Variants in RIOK2 observed in about 807,000 individuals in gnomAD.
The protein encoded by RIOK2 is RIO kinase 2.
Under a neutral mutation model 62.4 loss-of-function variants are expected in RIOK2, and 46 were observed. That is an observed-to-expected ratio of 0.74 (90% CI 0.58 to 0.94). RIOK2 has a LOEUF of 0.94. Ranked by LOEUF, RIOK2 falls within the 40% of genes least tolerant of loss-of-function variation. The probability of loss-of-function intolerance (pLI) is 0.00; values close to 1 mark genes in which losing one functional copy is unlikely to be tolerated. For synonymous variants in RIOK2, 197 were observed against 216.0 expected, an observed-to-expected ratio of 0.91 and a Z score of 0.77; for missense variants, 574 against 658.0, an observed-to-expected ratio of 0.87 and a Z score of 1.40.
In RIOK2 at chr5:97,180,640, T is replaced by C. The variant is rs940583717; in HGVS notation, c.67-1447A>G. On this transcript the variant is annotated intron_variant, in intron 1 of 9. Transcript: ENST00000283109. The stretch of plus-strand genomic sequence containing the variant: ...CAGGGTTATTTTAAGGACATTAATG[T>C]ACCAGGAATATGCAAATTGGCTTAG... Among the ~76,000 whole-genome samples, 11 of 152,284 alleles carry C rather than the reference T, an allele frequency of 7.2e-5. 1 individual carries two copies. The highest frequency in any genetic ancestry group is 7.2e-4 in the Admixed American group (11 of 15,302).
intron 4 of RIOK2, among the ~76,000 whole-genome samples, chr5:97,174,464 T>C (rs961679839): frequency 3.3e-5 from 5 of 152,146 alleles, no homozygotes; most frequent in African/African-American, 9.7e-5. Context: ...TCTTTTCAGT[T>C]TGTAAATATA....
chr5:97,167,359 C>A (rs1346493032), intron 8 of RIOK2, 108 bp downstream of exon 8: 10 of 1,503,746 alleles, frequency 6.7e-6, no homozygotes, highest in Non-Finnish European at 8.9e-6. Context: ...ATCAAGGTGG[C>A]AGAATACAAT....
chr5:97,181,467 T>C (rs1436795520), intron 1 of RIOK2, among the ~76,000 whole-genome samples: 1 of 152,050 alleles, frequency 6.6e-6, no homozygotes, highest in Non-Finnish European at 1.5e-5. Context: ...GGCAAGTTCA[T>C]ATTGAAAGCT....
At chr5:97,178,714 C>T (rs931492189) in intron 2 of RIOK2, 113 of 316,272 alleles carry the variant, frequency 3.6e-4, no homozygotes, top group East Asian at 2.1e-4. Flanking sequence ...GCAGTACCTA[C>T]GTGCTCTTCT....
chr5:97,166,398 AT>A (rs1478748460), intron 8 of RIOK2: 1 of 422,166 alleles, frequency 2.4e-6, no homozygotes, highest in South Asian at 1.7e-5. Flanking sequence ...CAAAATTCTC[AT>A]GTTTTGCTTC....
chr5:97,174,327 G>C (rs1333127263), intron 4 of RIOK2, among the ~76,000 whole-genome samples: 1 of 152,212 alleles, frequency 6.6e-6, no homozygotes, highest in African/African-American at 2.4e-5. Context: ...GGCTGAGGCA[G>C]GAGAATCGCG....
chr5:97,171,363 C>T lies in RIOK2; in HGVS notation c.622G>A (p.Val208Ile), dbSNP rs1013983987. 1 of 1,573,000 alleles carries T rather than the reference C, an allele frequency of 6.4e-7. No homozygotes were observed. The highest frequency in any genetic ancestry group is 8.6e-7 in the Non-Finnish European group (1 of 1,160,060). Residue 208 changes from valine to isoleucine, a missense_variant, in exon 6 of 10, where the codon GTA (valine) becomes ATA (isoleucine). Physicochemically the swap from Val to Ile is conservative, Grantham distance 29. Coordinates refer to ENST00000283109, the MANE Select transcript of RIOK2 (RefSeq NM_018343.3). ...QIHHVEDPAS[V>I]YDEAMELIVK... ...ATTAGTTCCATAGCTTCATCATATA[C>T]TGATGCAGGATCTTCAACATGGTGT... is the stretch of plus-strand genomic sequence containing the variant.
chr5:97,170,724 A>G (rs1748979997), intron 6 of RIOK2, among the ~76,000 whole-genome samples: 1 of 152,252 alleles, frequency 6.6e-6, no homozygotes, highest in Non-Finnish European at 1.5e-5. Context: ...ATACTTTAAT[A>G]AAAAACCAAA....
chr5:97,177,180 CTA>C lies in RIOK2; in HGVS notation c.432_433del (p.His144GlnfsTer26). The C allele has an allele frequency of 6.2e-7, 1 of 1,613,266 alleles. No homozygotes were observed. The highest frequency in any genetic ancestry group is 8.5e-7 in the Non-Finnish European group (1 of 1,179,478). On this transcript the variant is annotated frameshift_variant, in exon 4 of 10. Transcript: ENST00000283109. LOFTEE classifies it high-confidence loss of function. ...TAAATATAGCCATGACACATTGTGC[CTA>C]TGTTTATGATAATCGCGTTTGTTTT...
intron 3 of RIOK2, 53 bp downstream of exon 3, chr5:97,177,679 A>G (rs1749206644): frequency 8.9e-7 from 1 of 1,124,162 alleles, no homozygotes; most frequent in East Asian, 2.4e-5. Context: ...TTCTGAAGGG[A>G]AAACATAAAC....
chr5:97,169,289 A>C (rs1197554670), intron 6 of RIOK2, among the ~76,000 whole-genome samples: 4 of 152,236 alleles, frequency 2.6e-5, no homozygotes, highest in African/African-American at 7.2e-5. Context: ...CGATAAAAAG[A>C]TATTAATATT....
At chr5:97,168,100 T>A (rs1416361612) in intron 7 of RIOK2, 109 bp from the exon 8 acceptor site, 38 of 1,121,128 alleles carry the variant, frequency 3.4e-5, no homozygotes, top group Non-Finnish European at 4.3e-5. Flanking sequence ...TAATAGCTTA[T>A]ATGTTAAAAA....
chr5:97,166,429 T>C (rs2112826219), intron 8 of RIOK2: 1 of 389,888 alleles, frequency 2.6e-6, no homozygotes. Flanking sequence ...ACTTTAAAGA[T>C]AAAGGTAGGC....
chr5:97,167,469 G>C lies in RIOK2; in HGVS notation c.1395C>G (p.Phe465Leu). The change falls in exon 8 of 10, where the codon TTC becomes TTG. Residue 465 changes from phenylalanine to leucine, a missense_variant and splice_region_variant. Physicochemically the swap from Phe to Leu is conservative, Grantham distance 22 (BLOSUM62 0). Transcript: ENST00000283109. ...LSSLNREFRP[F>L]RDEENVGAMN... ...AAGCAATCGACAGAAGTCTATACCT[G>C]AAAGGCCTGAATTCTCTATTTAATG... is the stretch of plus-strand genomic sequence containing the variant. 6.2e-7 allele frequency: 1 copy of C among 1,613,674 alleles called. No homozygotes were observed. The highest frequency in any genetic ancestry group is 8.5e-7 in the Non-Finnish European group (1 of 1,179,842).
intron 9 of RIOK2, 67 bp downstream of exon 9, chr5:97,164,984 G>A (rs769213221): frequency 2.6e-5 from 27 of 1,040,872 alleles, no homozygotes; most frequent in Non-Finnish European, 2.8e-5. Context: ...ATTGTTTAAT[G>A]AGACAAGGCA....
intron 2 of RIOK2, chr5:97,178,781 T>TCTTCTGCAGTACTCTACAC: frequency 2.2e-6 from 1 of 452,120 alleles, no homozygotes; most frequent in African/African-American, 2.0e-5. Flanking sequence ...GTACTCTACA[T>TCTTCTGCAGTACTCTACAC]GCTCTTCTGC....
chr5:97,183,125 C>T lies in RIOK2; in HGVS notation c.66+1G>A. ...GAGAACAGGAACGGCGGGTTTCTTA[C>T]CGCGGTCAAGACCCTGAAGTCATCT... On this transcript the variant is annotated splice_donor_variant, in intron 1 of 9. Coordinates refer to ENST00000283109, the MANE Select transcript of RIOK2 (RefSeq NM_018343.3). LOFTEE classifies it high-confidence loss of function. 6.2e-7 allele frequency: 1 copy of T among 1,614,088 alleles called. No individual in the cohort carries two copies. Among genetic ancestry groups the T allele is most frequent in the South Asian group, 1.1e-5 (1 of 91,080 alleles).
chr5:97,177,213 T>C lies in RIOK2; in HGVS notation c.401A>G (p.Asn134Ser). 1 of 1,613,768 alleles carries C rather than the reference T, an allele frequency of 6.2e-7. No individual in the cohort carries two copies. The highest frequency in any genetic ancestry group is 1.1e-5 in the South Asian group (1 of 91,074). Residue 134 changes from asparagine (N) to serine (S), a missense_variant, in exon 4 of 10, where the codon AAT becomes AGT. Transcript: ENST00000283109. ...ATGATAATCGCGTTTGTTTTTCAAA[T>C]TTCGAAACGAGGTTCTTCCTAGTCT... ...LHRLGRTSFR[N>S]LKNKRDYHKH...
intron 4 of RIOK2, among the ~76,000 whole-genome samples, chr5:97,176,813 C>T (rs1749174555): frequency 6.6e-6 from 1 of 152,160 alleles, no homozygotes; most frequent in Admixed American, 6.5e-5. Flanking sequence ...ATATATACAT[C>T]CACACATACA....
Sources: allele counts gnomAD v4.1 joint callset (sites outside exome capture counted in the v4.1 genomes callset), GRCh38; gene constraint gnomAD v4.1.1; transcripts MANE v1.5; gene names NCBI Gene and HGNC (gene_info 2026-07-23, HGNC 2026-07-21).